The following ADAM9 variants were observed in gnomAD, a reference collection of about 807,000 sequenced individuals.
ADAM9 encodes disintegrin and metalloproteinase domain-containing protein 9.
ADAM9 carries 54 observed loss-of-function variants against 108.1 expected under a neutral mutation model. That is an observed-to-expected ratio of 0.50 (90% CI 0.40 to 0.63). ADAM9 has a LOEUF of 0.63. Ranked by LOEUF, ADAM9 falls within the 20% of genes least tolerant of loss-of-function variation. The probability of loss-of-function intolerance (pLI) is 0.00; values close to 1 mark genes in which losing one functional copy is unlikely to be tolerated. For missense variants in ADAM9, 830 were observed against 997.7 expected, an observed-to-expected ratio of 0.83 and a Z score of 2.26; for synonymous variants, 316 against 336.0, an observed-to-expected ratio of 0.94 and a Z score of 0.65.
intron 10 of ADAM9, among the ~76,000 whole-genome samples, chr8:39,026,217 A>G (rs1212393763): frequency 6.6e-6 from 1 of 152,020 alleles, no homozygotes; most frequent in East Asian, 1.9e-4. Context: ...TAAGCCCCGC[A>G]TATGTTAGGT....
chr8:39,078,867 G>A (rs1838932767), intron 16 of ADAM9, among the ~76,000 whole-genome samples: 1 of 152,064 alleles, frequency 6.6e-6, no homozygotes, highest in African/African-American at 2.4e-5. Flanking sequence ...TTTTATTTTT[G>A]ATAGATAAGA....
At chr8:39,021,942 T>C (rs1384801344) in intron 8 of ADAM9, among the ~76,000 whole-genome samples, 2 of 152,218 alleles carry the variant, frequency 1.3e-5, no homozygotes, top group African/African-American at 4.8e-5. Flanking sequence ...GCATCTACTT[T>C]ATCTTCAGAG....
At chr8:39,045,173 TATATATGTGTATACATAC>T (rs1331752441) in intron 12 of ADAM9, among the ~76,000 whole-genome samples, 13 of 127,104 alleles carry the variant, frequency 1.0e-4, no homozygotes, top group Admixed American at 4.0e-4. Context: ...CATATATGTG[TATATATGTGTATACATAC>T]ATATATGTGT....
intron 11 of ADAM9, among the ~76,000 whole-genome samples, chr8:39,037,050 CTTTTTTT>C (rs58876607): frequency 5.1e-5 from 4 of 78,606 alleles, no homozygotes; most frequent in African/African-American, 1.6e-4. Context: ...TGCGCAAGTT[CTTTTTTT>C]TTTTTTTTTT....
chr8:39,057,386 T>G (rs1838160198), intron 14 of ADAM9, among the ~76,000 whole-genome samples: 1 of 148,920 alleles, frequency 6.7e-6, no homozygotes, highest in African/African-American at 2.5e-5. Flanking sequence ...TATAATATCT[T>G]ATATATGTAT....
At chr8:39,082,144 A>G (rs1041365625) in intron 16 of ADAM9, among the ~76,000 whole-genome samples, 27 of 152,128 alleles carry the variant, frequency 1.8e-4, no homozygotes, top group South Asian at 2.1e-4. Flanking sequence ...AACAGATTTT[A>G]TCTTGTCAAC....
Position 39,042,079 on chromosome 8 carries a change from G to A in ADAM9, c.1264G>A (p.Val422Met), listed in dbSNP as rs1183678548. 1 of 1,614,078 alleles carries A rather than the reference G, an allele frequency of 6.2e-7. No homozygotes were observed. Among genetic ancestry groups the A allele is most frequent in the Admixed American group, 1.7e-5 (1 of 60,016 alleles). ...TGCTCCCTCCTGTGGTAATAAGTTG[G>A]TGGACGCTGGGGAAGAGTGTGACTG... ...YSAPSCGNKL[V>M]DAGEECDCGT... Residue 422 changes from valine (V) to methionine (M), a missense_variant, in exon 12 of 22, where the codon GTG (valine) becomes ATG (methionine). Val to Met is a conservative substitution (Grantham distance 21). Coordinates refer to ENST00000487273, the MANE Select transcript of ADAM9 (RefSeq NM_003816.3).
At chr8:39,002,102 T>C (rs1473293733) in intron 1 of ADAM9, among the ~76,000 whole-genome samples, 3 of 142,524 alleles carry the variant, frequency 2.1e-5, no homozygotes, top group Non-Finnish European at 4.5e-5. Flanking sequence ...TGGCTCGAAA[T>C]AATAGTGCTT....
intron 2 of ADAM9, among the ~76,000 whole-genome samples, chr8:39,009,579 T>A (rs1303595543): frequency 1.3e-5 from 2 of 152,206 alleles, no homozygotes; most frequent in Non-Finnish European, 2.9e-5. Flanking sequence ...CTAGGGACCA[T>A]GTTTTCTCCT....
chr8:39,044,150 A>T (rs1479531818), intron 12 of ADAM9, among the ~76,000 whole-genome samples: 2 of 152,202 alleles, frequency 1.3e-5, no homozygotes, highest in Non-Finnish European at 2.9e-5. Context: ...CATCATATCC[A>T]TGAAATCATT....
intron 1 of ADAM9, among the ~76,000 whole-genome samples, 193 bp downstream of exon 1, chr8:38,997,353 C>T (rs1048221682): frequency 6.6e-6 from 1 of 152,136 alleles, no homozygotes; most frequent in African/African-American, 2.4e-5. Context: ...CCAAGCCCTT[C>T]TTGGCCCGGG....
At position 39,055,618 on chromosome 8, in the gene ADAM9, G is replaced by T; in HGVS notation, c.1437G>T (p.Glu479Asp). The T allele has an allele frequency of 6.2e-7, 1 of 1,613,792 alleles. No individual in the cohort carries two copies. The highest frequency in any genetic ancestry group is 8.5e-7 in the Non-Finnish European group (1 of 1,179,740). ...CTTTATGCCGAGGAAAAACCAGTGA[G>T]TGTGATGTTCCAGAGTACTGCAATG... ...GGTLCRGKTS[E>D]CDVPEYCNGS... Residue 479 changes from glutamate to aspartate, a missense_variant, in exon 14 of 22, where the codon GAG becomes GAT. Physicochemically the swap from Glu to Asp is conservative, Grantham distance 45. Coordinates refer to ENST00000487273, the MANE Select transcript of ADAM9 (RefSeq NM_003816.3).
intron 12 of ADAM9, among the ~76,000 whole-genome samples, chr8:39,047,927 T>C (rs1163923926): frequency 2.0e-5 from 3 of 151,616 alleles, no homozygotes; most frequent in East Asian, 3.9e-4. Flanking sequence ...GCTTTCCTTG[T>C]ATTTTTTTTT....
At chr8:39,008,042 A>T in intron 2 of ADAM9, 59 bp downstream of exon 2, 1 of 1,287,600 alleles carries the variant, frequency 7.8e-7, no homozygotes. Context: ...CTGTTTTAGC[A>T]CAAAGGTGTT....
At chr8:39,093,296 CTTATT>C (rs1839408425) in intron 20 of ADAM9, among the ~76,000 whole-genome samples, 2 of 151,908 alleles carry the variant, frequency 1.3e-5, no homozygotes, top group African/African-American at 4.8e-5. Context: ...TGTACAGATA[CTTATT>C]TTTTGTGGTT....
intron 13 of ADAM9, among the ~76,000 whole-genome samples, chr8:39,054,842 C>G (rs981966490): frequency 6.6e-6 from 1 of 151,838 alleles, no homozygotes; most frequent in African/African-American, 2.4e-5. Flanking sequence ...AACATGAAAC[C>G]ATAGAAAGTA....
intron 2 of ADAM9, among the ~76,000 whole-genome samples, chr8:39,010,192 A>C (rs1027374898): frequency 6.6e-6 from 1 of 152,170 alleles, no homozygotes; most frequent in African/African-American, 2.4e-5. Flanking sequence ...GGAGGAGTAA[A>C]CTATCACAAA....
chr8:39,053,682 C>T (rs1838026009), intron 12 of ADAM9, among the ~76,000 whole-genome samples: 1 of 152,010 alleles, frequency 6.6e-6, no homozygotes, highest in Middle Eastern at 3.2e-3. Context: ...GAGAAGATGT[C>T]TCTGTGGGTG....
intron 18 of ADAM9, among the ~76,000 whole-genome samples, chr8:39,086,185 T>C (rs1400578114): frequency 2.0e-5 from 3 of 152,198 alleles, no homozygotes; most frequent in East Asian, 3.9e-4. Context: ...TGGCTAACTT[T>C]TGTATTTTTA....
Sources: gnomAD v4.1 joint callset for allele counts (sites outside exome capture counted in the v4.1 genomes callset) on GRCh38, gnomAD v4.1.1 for gene constraint, MANE v1.5 for transcripts, NCBI Gene and HGNC (gene_info 2026-07-23, HGNC 2026-07-21) for gene names.